FREM3: variants seen among roughly 807,000 people sequenced by gnomAD.
FREM3 encodes FRAS1 related extracellular matrix 3, also known as FRAS1-related extracellular matrix protein 3.
Under a neutral mutation model 129.1 loss-of-function variants are expected in FREM3, and 105 were observed. The ratio of observed to expected loss-of-function variants is 0.81; its 90% CI spans 0.69 to 0.96. FREM3 has a LOEUF of 0.96. Ranked by LOEUF, FREM3 falls within the 40% of genes least tolerant of loss-of-function variation. FREM3 has a pLI of 0.00. For missense variants in FREM3, 2,593 were observed against 2,666.3 expected, an observed-to-expected ratio of 0.97 and a Z score of 0.61; for synonymous variants, 1,014 against 1,044.9, an observed-to-expected ratio of 0.97 and a Z score of 0.57.
intron 4 of FREM3, among the ~76,000 whole-genome samples, chr4:143,623,208 A>G (rs991585228): frequency 6.6e-6 from 1 of 152,212 alleles, no homozygotes; most frequent in African/African-American, 2.4e-5. Flanking sequence ...CAGAATCTTT[A>G]ATATGCTAAC....
intron 2 of FREM3, among the ~76,000 whole-genome samples, chr4:143,675,566 C>T (rs950056496): frequency 6.6e-6 from 1 of 152,036 alleles, no homozygotes; most frequent in Admixed American, 6.6e-5. Context: ...GAGATAGAGA[C>T]ACAAAAAACC....
intron 2 of FREM3, among the ~76,000 whole-genome samples, chr4:143,634,567 G>C (rs1046056000): frequency 6.6e-6 from 1 of 152,084 alleles, no homozygotes; most frequent in Admixed American, 6.6e-5. Flanking sequence ...CAAGCCAGAA[G>C]CAAGATGGAG....
chr4:143,653,304 C>T (rs1437242089), intron 2 of FREM3, among the ~76,000 whole-genome samples: 2 of 152,232 alleles, frequency 1.3e-5, no homozygotes, highest in Non-Finnish European at 2.9e-5. Flanking sequence ...GAAGAATCTA[C>T]TTCCAAGCTC....
chr4:143,666,085 G>A (rs936332827), intron 2 of FREM3, among the ~76,000 whole-genome samples: 1 of 151,898 alleles, frequency 6.6e-6, no homozygotes, highest in South Asian at 2.1e-4. Context: ...TACCTGCCAG[G>A]GTTTTACAAA....
At chr4:143,636,214 G>T (rs868684941) in intron 2 of FREM3, among the ~76,000 whole-genome samples, 3 of 138,002 alleles carry the variant, frequency 2.2e-5, no homozygotes, top group African/African-American at 8.0e-5. Flanking sequence ...ATGTTCTAAA[G>T]AAAAAAAAAG....
intron 2 of FREM3, among the ~76,000 whole-genome samples, chr4:143,678,447 G>A (rs970311861): frequency 6.6e-6 from 1 of 152,046 alleles, no homozygotes; most frequent in Non-Finnish European, 1.5e-5. Flanking sequence ...TGTAAATGAT[G>A]AGTTAATGGG....
intron 2 of FREM3, among the ~76,000 whole-genome samples, chr4:143,656,138 T>C (rs1739597017): frequency 6.6e-6 from 1 of 152,186 alleles, no homozygotes; most frequent in African/African-American, 2.4e-5. Flanking sequence ...CATGCATAAT[T>C]AGATAAACAC....
At chr4:143,679,245 T>C (rs978071295) in intron 2 of FREM3, among the ~76,000 whole-genome samples, 2 of 152,328 alleles carry the variant, frequency 1.3e-5, no homozygotes, top group African/African-American at 4.8e-5. Context: ...CAATTACCAA[T>C]GCTAAAAAGA....
chr4:143,611,149 T>A (rs1262301417), intron 6 of FREM3, 130 bp downstream of exon 6: 2 of 1,012,240 alleles, frequency 2.0e-6, no homozygotes, highest in African/African-American at 3.2e-5. Flanking sequence ...CTACTCACAG[T>A]TTTTGGAGAT....
intron 2 of FREM3, among the ~76,000 whole-genome samples, chr4:143,636,402 C>T (rs1183014111): frequency 6.7e-6 from 1 of 149,420 alleles, no homozygotes; most frequent in Non-Finnish European, 1.5e-5. Context: ...AGTAGAAAGG[C>T]TCTGATAGGA....
At chr4:143,582,867 A>C (rs1281435156) in intron 7 of FREM3, among the ~76,000 whole-genome samples, 1 of 151,206 alleles carries the variant, frequency 6.6e-6, no homozygotes. Flanking sequence ...TACGATTGAA[A>C]ATATTTATTA....
chr4:143,595,572 G>C (rs957616075), intron 6 of FREM3, among the ~76,000 whole-genome samples: 1 of 152,026 alleles, frequency 6.6e-6, no homozygotes, highest in Non-Finnish European at 1.5e-5. Context: ...TAGCACTTAG[G>C]ATTTCATTCA....
intron 2 of FREM3, among the ~76,000 whole-genome samples, chr4:143,659,402 T>A (rs979741603): frequency 6.6e-6 from 1 of 152,148 alleles, no homozygotes; most frequent in African/African-American, 2.4e-5. Flanking sequence ...TTCATCCATG[T>A]CACTACAAAG....
At chr4:143,625,666 A>G (rs1739026317) in intron 3 of FREM3, among the ~76,000 whole-genome samples, 1 of 152,202 alleles carries the variant, frequency 6.6e-6, no homozygotes, top group South Asian at 2.1e-4. Flanking sequence ...ATAGGAATGA[A>G]GCAGGCACAT....
intron 2 of FREM3, among the ~76,000 whole-genome samples, chr4:143,674,577 A>G (rs565391113): frequency 3.3e-4 from 50 of 152,370 alleles, no homozygotes; most frequent in African/African-American, 1.2e-3. Flanking sequence ...ACAGGCTCCA[A>G]TTAAAAGACA....
At chr4:143,620,627 TA>T (rs1738929173) in intron 5 of FREM3, among the ~76,000 whole-genome samples, 1 of 152,172 alleles carries the variant, frequency 6.6e-6, no homozygotes, top group African/African-American at 2.4e-5. Flanking sequence ...CTGAGTAGTA[TA>T]TACAGACTAT....
intron 2 of FREM3, among the ~76,000 whole-genome samples, chr4:143,670,755 A>C (rs1739950464): frequency 6.6e-6 from 1 of 152,138 alleles, no homozygotes; most frequent in African/African-American, 2.4e-5. Context: ...TTTCTTTCCA[A>C]AATAGTTTTT....
At chr4:143,599,177 A>G (rs1214448157) in intron 6 of FREM3, among the ~76,000 whole-genome samples, 1 of 152,204 alleles carries the variant, frequency 6.6e-6, no homozygotes, top group Non-Finnish European at 1.5e-5. Context: ...TTGGATCAGA[A>G]TAAGGGCATT....
chr4:143,668,945 C>G (rs1045680907), intron 2 of FREM3, among the ~76,000 whole-genome samples: 2 of 152,194 alleles, frequency 1.3e-5, no homozygotes, highest in Middle Eastern at 3.2e-3. Context: ...AGAAAGCAAT[C>G]TGTAGGTAGT....
Sources: gnomAD v4.1 joint callset for allele counts (sites outside exome capture counted in the v4.1 genomes callset) on GRCh38, gnomAD v4.1.1 for gene constraint, MANE v1.5 for transcripts, NCBI Gene and HGNC (gene_info 2026-07-23, HGNC 2026-07-21) for gene names.